SYN2: variants seen among roughly 807,000 people sequenced by gnomAD.
The protein encoded by SYN2 is synapsin-2.
SYN2 carries 19 observed loss-of-function variants against 50.9 expected under a neutral mutation model. The ratio of observed to expected loss-of-function variants is 0.37; its 90% CI spans 0.26 to 0.55. SYN2 has a LOEUF of 0.55. Among genes scored for constraint, SYN2 ranks in the 20% least tolerant of loss-of-function variants. The pLI, the probability that SYN2 is intolerant of heterozygous loss-of-function variation, is 0.81. For missense variants in SYN2, 587 were observed against 576.4 expected, an observed-to-expected ratio of 1.02 and a Z score of -0.19; for synonymous variants, 255 against 224.9, an observed-to-expected ratio of 1.13 and a Z score of -1.20.
At position 12,155,529 on chromosome 3, in the gene SYN2, A is replaced by G. The variant is rs151222809; in HGVS notation, c.774+4203A>G. Among the ~76,000 whole-genome samples the G allele has an allele frequency of 5.9e-5, 9 of 152,292 alleles. No individual in the cohort carries two copies. In the East Asian group the frequency reaches 1.7e-3, roughly 29 times the overall value. On this transcript the variant is annotated intron_variant, in intron 5 of 12. Coordinates refer to ENST00000621198, the MANE Select transcript of SYN2 (RefSeq NM_133625.6). Reference sequence around the variant, plus strand: ...ACAGCCTGGCAGCATACCTTCTGCAACCACAGGTAGCTGAGTTCAGTTCTT... The same window carrying G: ...ACAGCCTGGCAGCATACCTTCTGCAGCCACAGGTAGCTGAGTTCAGTTCTT...
At chr3:12,123,617 A>G (rs904257336) in intron 1 of SYN2, among the ~76,000 whole-genome samples, 1 of 151,776 alleles carries the variant, frequency 6.6e-6, no homozygotes, top group Non-Finnish European at 1.5e-5. Context: ...GAAAAACACA[A>G]ACACACACAC....
At chr3:12,127,699 G>A (rs543608721) in intron 1 of SYN2, among the ~76,000 whole-genome samples, 31 of 152,296 alleles carry the variant, frequency 2.0e-4, no homozygotes, top group African/African-American at 6.0e-4. Context: ...TGAGGTATGA[G>A]GATGTTTCTG....
In SYN2 at chr3:12,118,540, T is replaced by A. The variant is rs576630527; in HGVS notation, c.378-22111T>A. Among the ~76,000 whole-genome samples, 17 of 152,378 alleles carry A rather than the reference T, an allele frequency of 1.1e-4. No individual in the cohort carries two copies. The South Asian group carries it at 3.3e-3, about 30-fold the overall frequency. On this transcript the variant is annotated intron_variant, in intron 1 of 12. Transcript: ENST00000621198. The stretch of plus-strand genomic sequence containing the variant: ...TTGTGATGAAACAGTTATTTATGGT[T>A]TAAGCACAAAGTAGAATAACTTTTC...
At chr3:12,038,063 C>T (rs1000081820) in intron 1 of SYN2, among the ~76,000 whole-genome samples, 3 of 152,066 alleles carry the variant, frequency 2.0e-5, no homozygotes, top group Non-Finnish European at 4.4e-5. Flanking sequence ...TCTTTGAATC[C>T]ATTTTGCCTT....
intron 1 of SYN2, among the ~76,000 whole-genome samples, chr3:12,124,222 A>G (rs1696618721): frequency 1.3e-5 from 2 of 152,138 alleles, no homozygotes; most frequent in Admixed American, 1.3e-4. Flanking sequence ...GTACAAAGTA[A>G]TAAAAACTGA....
intron 1 of SYN2, among the ~76,000 whole-genome samples, chr3:12,047,975 G>A (rs1327636157): frequency 2.0e-5 from 3 of 152,192 alleles, no homozygotes; most frequent in Non-Finnish European, 2.9e-5. Context: ...GTACCTGATT[G>A]TGAGACCCTC....
chr3:12,162,025 A>G lies in SYN2; in HGVS notation c.851A>G (p.Asn284Ser), dbSNP rs777501812. The G allele has an allele frequency of 1.9e-6, 3 of 1,613,976 alleles. No individual in the cohort carries two copies. Among genetic ancestry groups the G allele is most frequent in the Non-Finnish European group, 2.5e-6 (3 of 1,179,884 alleles). Reference sequence around the variant, plus strand: ...CTCTAACATTAGGTCAAAGTGGAAAACCACTACGACTTCCAGGACATTGCC... The same window carrying G: ...CTCTAACATTAGGTCAAAGTGGAAAGCCACTACGACTTCCAGGACATTGCC... ...HSGMGKVKVE[N>S]HYDFQDIASV... is the part of the protein sequence containing the mutation. The change falls in exon 7 of 13, where the codon AAC (asparagine) becomes AGC (serine). Residue 284 changes from asparagine to serine, a missense_variant. Physicochemically the swap from Asn to Ser is conservative, Grantham distance 46 (BLOSUM62 1). Coordinates refer to ENST00000621198, the MANE Select transcript of SYN2 (RefSeq NM_133625.6).
chr3:12,081,404 C>G (rs1695585219), intron 1 of SYN2, among the ~76,000 whole-genome samples: 1 of 151,998 alleles, frequency 6.6e-6, no homozygotes, highest in Non-Finnish European at 1.5e-5. Flanking sequence ...GCTTTTTTGG[C>G]ATTCCTTATT....
At position 12,158,949 on chromosome 3, in the gene SYN2, C is replaced by T. The variant is rs537394690; in HGVS notation, c.775-2597C>T. 1,744 of 1,397,104 alleles carry T rather than the reference C, an allele frequency of 1.2e-3. 3 individuals are homozygous for T. Among genetic ancestry groups the T allele is most frequent in the Middle Eastern group, 2.9e-3 (11 of 3,814 alleles). 86.5% of individuals were successfully genotyped at this position (1,397,104 alleles called of 1,614,324 possible). On this transcript the variant is annotated intron_variant, in intron 5 of 12. Coordinates refer to ENST00000621198, the MANE Select transcript of SYN2 (RefSeq NM_133625.6). ...CCTCGCCCCAGGCTTTATGAGGTGGCCCTAAGGGCCAATCCCGCCCCGACG... is the reference window on the plus strand; with the variant it reads ...CCTCGCCCCAGGCTTTATGAGGTGGTCCTAAGGGCCAATCCCGCCCCGACG...
At chr3:12,093,910 G>A (rs1695878839) in intron 1 of SYN2, among the ~76,000 whole-genome samples, 1 of 147,964 alleles carries the variant, frequency 6.8e-6, no homozygotes, top group Non-Finnish European at 1.5e-5. Flanking sequence ...AGGCTAGAGT[G>A]CAGTGGCATA....
At chr3:12,041,947 CCTT>C (rs1206479976) in intron 1 of SYN2, among the ~76,000 whole-genome samples, 1 of 152,204 alleles carries the variant, frequency 6.6e-6, no homozygotes, top group East Asian at 1.9e-4. Context: ...TCCTGCCTGT[CCTT>C]CTAAGACAGC....
At chr3:12,071,328 GT>G in intron 1 of SYN2, 1 of 570,474 alleles carries the variant, frequency 1.8e-6, no homozygotes, top group Admixed American at 1.9e-5. Context: ...AGTACAACAA[GT>G]TGGCCCCTCC....
rs1224565256 is a variant in SYN2, at chr3:12,070,659, C to T, written c.377+65731C>T. 3.1e-6 allele frequency: 4 copies of T among 1,288,348 alleles called. No homozygotes were observed. The Admixed American group carries it at 7.3e-5, about 23-fold the overall frequency. 79.8% of individuals were successfully genotyped at this position (1,288,348 alleles called of 1,614,324 possible). On this transcript the variant is annotated intron_variant, in intron 1 of 12. Coordinates refer to ENST00000621198, the MANE Select transcript of SYN2 (RefSeq NM_133625.6). ...CGTGGCCATCCAGGCCATGCTGTCC[C>T]TCTATGCCTCTGGATGCACCACTGG... is the stretch of plus-strand genomic sequence containing the variant.
At chr3:12,182,614 CT>C (rs1203408505) in intron 10 of SYN2, among the ~76,000 whole-genome samples, 1 of 152,196 alleles carries the variant, frequency 6.6e-6, no homozygotes, top group African/African-American at 2.4e-5. Flanking sequence ...ATGTCTTACT[CT>C]TTCCCTCTAA....
At position 12,004,511 on chromosome 3, in the gene SYN2, C is replaced by T. The variant is rs1468866330; in HGVS notation, c.-41C>T. ...CGCCCTCGCTCTCCCTCCGCGCCAC[C>T]AGACCCCGTAGCCCCGCGCGCCCCC... is the stretch of plus-strand genomic sequence containing the variant. On this transcript the variant is annotated 5_prime_UTR_variant, in exon 1 of 13. Coordinates refer to ENST00000621198, the MANE Select transcript of SYN2 (RefSeq NM_133625.6). The T allele has an allele frequency of 5.9e-6, 3 of 511,074 alleles. No homozygotes were observed. The highest frequency in any genetic ancestry group is 4.4e-5 in the South Asian group (2 of 45,026). The allele number at this position is 511,074 out of a possible 1,614,324, so 31.7% of individuals were successfully genotyped here.
chr3:12,004,894 G>C lies in SYN2; in HGVS notation c.343G>C (p.Val115Leu), dbSNP rs1306970094. ...GCCCGCAGCCGCCAGGAAGGCCAAGGTGCTGCTGGTGGTCGACGAGCCGCA... is the reference window on the plus strand; with the variant it reads ...GCCCGCAGCCGCCAGGAAGGCCAAGCTGCTGCTGGTGGTCGACGAGCCGCA... The part of the protein sequence containing the change: ...PAPAAARKAK[V>L]LLVVDEPHAD... The change falls in exon 1 of 13, where the codon GTG (valine) becomes CTG (leucine). Residue 115 changes from valine (V) to leucine (L), a missense_variant. Physicochemically the swap from Val to Leu is conservative, Grantham distance 32 (BLOSUM62 1). Coordinates refer to ENST00000621198, the MANE Select transcript of SYN2 (RefSeq NM_133625.6). 5.1e-6 allele frequency: 3 copies of C among 584,334 alleles called. No individual in the cohort carries two copies. Among genetic ancestry groups the C allele is most frequent in the Non-Finnish European group, 9.2e-6 (3 of 326,858 alleles). The allele number at this position is 584,334 out of a possible 1,614,324, so 36.2% of individuals were successfully genotyped here. A position where few individuals can be genotyped will look rare whatever the true frequency, so the allele number is the denominator to read the frequency against.
chr3:12,073,749 T>A (rs1695412734), intron 1 of SYN2, among the ~76,000 whole-genome samples: 2 of 152,190 alleles, frequency 1.3e-5, no homozygotes, highest in African/African-American at 4.8e-5. Context: ...TGAAATTTGT[T>A]GAGGGTGACT....
At chr3:12,045,486 A>T (rs1209355998) in intron 1 of SYN2, among the ~76,000 whole-genome samples, 1 of 152,198 alleles carries the variant, frequency 6.6e-6, no homozygotes, top group Non-Finnish European at 1.5e-5. Flanking sequence ...ATTTGAATAG[A>T]TGTTTTTCCC....
intron 4 of SYN2, chr3:12,148,648 A>G (rs530564520): frequency 6.6e-6 from 1 of 152,362 alleles, no homozygotes; most frequent in African/African-American, 2.4e-5. Flanking sequence ...AGACAAAGCA[A>G]GAATGGCACC....
Sources: gnomAD v4.1 joint callset for allele counts (sites outside exome capture counted in the v4.1 genomes callset) on GRCh38, gnomAD v4.1.1 for gene constraint, MANE v1.5 for transcripts, NCBI Gene and HGNC (gene_info 2026-07-23, HGNC 2026-07-21) for gene names.